PPARGC1A: variants seen among roughly 807,000 people sequenced by gnomAD.
PPARGC1A encodes peroxisome proliferator-activated receptor gamma coactivator 1-alpha.
A neutral mutation model predicts 88.7 loss-of-function variants in PPARGC1A; 25 were observed. The ratio of observed to expected loss-of-function variants is 0.28; its 90% CI spans 0.21 to 0.39. PPARGC1A has a LOEUF of 0.39. Among genes scored for constraint, PPARGC1A ranks in the 10% least tolerant of loss-of-function variants. The pLI is 1.00. For missense variants in PPARGC1A, 880 were observed against 968.7 expected (o/e 0.91, Z 1.22); for synonymous variants, 363 against 355.6 (o/e 1.02, Z -0.24).
chr4:24,277,492 GA>G, the PPARGC1A span, among the ~76,000 whole-genome samples: 1 of 148,180 alleles, frequency 6.7e-6, no homozygotes, highest in African/African-American at 2.5e-5. Flanking sequence ...TGGGAACTAT[GA>G]AGCCTGTCTC....
the PPARGC1A span, among the ~76,000 whole-genome samples, chr4:24,425,538 C>T: frequency 6.6e-6 from 1 of 152,008 alleles, no homozygotes; most frequent in Non-Finnish European, 1.5e-5. Context: ...ATAAAATTTC[C>T]CATTAAAAAT....
chr4:24,067,459 A>C, the PPARGC1A span, among the ~76,000 whole-genome samples: 1 of 152,210 alleles, frequency 6.6e-6, no homozygotes, highest in African/African-American at 2.4e-5. Flanking sequence ...AGCCATCAGC[A>C]TTAATAGCAA....
At chr4:23,877,309 G>A (rs1382520657) in intron 2 of PPARGC1A, among the ~76,000 whole-genome samples, 1 of 137,804 alleles carries the variant, frequency 7.3e-6, no homozygotes, top group Non-Finnish European at 1.5e-5. Context: ...GAGGTCAGGA[G>A]ATTGAGACCA....
chr4:24,056,988 G>C, the PPARGC1A span, among the ~76,000 whole-genome samples: 1 of 152,138 alleles, frequency 6.6e-6, no homozygotes, highest in Non-Finnish European at 1.5e-5. Flanking sequence ...GTCTTAAAAA[G>C]AGATATCTTT....
At chr4:24,469,124 C>T in the PPARGC1A span, among the ~76,000 whole-genome samples, 1 of 152,180 alleles carries the variant, frequency 6.6e-6, no homozygotes, top group Non-Finnish European at 1.5e-5. Flanking sequence ...ATTTTGGCAG[C>T]AATCAGGGTA....
the PPARGC1A span, among the ~76,000 whole-genome samples, chr4:24,145,132 T>C: frequency 6.6e-6 from 1 of 151,774 alleles, no homozygotes; most frequent in Non-Finnish European, 1.5e-5. Context: ...TGCATATATA[T>C]GCATGCCAGG....
chr4:24,131,847 C>T, the PPARGC1A span, among the ~76,000 whole-genome samples: 6 of 152,236 alleles, frequency 3.9e-5, no homozygotes, highest in South Asian at 8.3e-4. Flanking sequence ...TCCAAACATA[C>T]CTCTCATGAC....
chr4:24,185,816 T>C, the PPARGC1A span, among the ~76,000 whole-genome samples: 2 of 106,814 alleles, frequency 1.9e-5, no homozygotes, highest in African/African-American at 7.5e-5. Flanking sequence ...GTCCCCAGAG[T>C]GTGATATTCC....
chr4:23,976,584 C>A, the PPARGC1A span, among the ~76,000 whole-genome samples: 1 of 152,168 alleles, frequency 6.6e-6, no homozygotes, highest in African/African-American at 2.4e-5. Context: ...CCTAATGTGA[C>A]TATATCTGGA....
At chr4:24,042,029 A>G in the PPARGC1A span, among the ~76,000 whole-genome samples, 4 of 152,152 alleles carry the variant, frequency 2.6e-5, no homozygotes, top group Non-Finnish European at 5.9e-5. Flanking sequence ...TATTTATCAC[A>G]TATACACTCA....
the PPARGC1A span, among the ~76,000 whole-genome samples, chr4:24,211,315 G>A: frequency 1.2e-4 from 18 of 152,206 alleles, no homozygotes; most frequent in East Asian, 3.9e-4. Context: ...CTCGTTTTCC[G>A]ATCTCAATTT....
the PPARGC1A span, among the ~76,000 whole-genome samples, chr4:24,061,906 A>C: frequency 5.7e-4 from 87 of 152,290 alleles, 2 homozygotes; most frequent in East Asian, 0.013. Context: ...GGAGGGCCAC[A>C]ATCTCGATTG....
chr4:23,912,376 G>A, the PPARGC1A span, among the ~76,000 whole-genome samples: 1 of 152,000 alleles, frequency 6.6e-6, no homozygotes, highest in African/African-American at 2.4e-5. Context: ...TATATCTTAG[G>A]GTCTTATGAT....
At chr4:23,922,661 C>G in the PPARGC1A span, among the ~76,000 whole-genome samples, 20 of 152,170 alleles carry the variant, frequency 1.3e-4, no homozygotes, top group African/African-American at 4.6e-4. Flanking sequence ...GTTTGGTTTA[C>G]TCCTGACAGA....
At chr4:24,172,821 A>G in the PPARGC1A span, among the ~76,000 whole-genome samples, 1 of 152,136 alleles carries the variant, frequency 6.6e-6, no homozygotes, top group African/African-American at 2.4e-5. Flanking sequence ...AATCCTGAAT[A>G]CACCGCCGTG....
the PPARGC1A span, among the ~76,000 whole-genome samples, chr4:23,915,555 T>C: frequency 6.6e-6 from 1 of 152,254 alleles, no homozygotes; most frequent in Non-Finnish European, 1.5e-5. Context: ...ATATTTTCCA[T>C]CTATTCTGCT....
the PPARGC1A span, among the ~76,000 whole-genome samples, chr4:24,163,786 T>C: frequency 2.0e-5 from 3 of 152,142 alleles, no homozygotes; most frequent in Non-Finnish European, 4.4e-5. Flanking sequence ...AGAAACAAAA[T>C]TGAATTTGAG....
chr4:24,096,480 T>A, the PPARGC1A span, among the ~76,000 whole-genome samples: 1 of 152,292 alleles, frequency 6.6e-6, no homozygotes, highest in South Asian at 2.1e-4. Context: ...GTCAACACCA[T>A]CCACTTTGTA....
At chr4:23,917,934 G>A in the PPARGC1A span, among the ~76,000 whole-genome samples, 1 of 152,188 alleles carries the variant, frequency 6.6e-6, no homozygotes, top group African/African-American at 2.4e-5. Flanking sequence ...TAGAGCAAAT[G>A]TGCATGGCAG....
Sources: allele counts gnomAD v4.1 joint callset (sites outside exome capture counted in the v4.1 genomes callset), GRCh38; gene constraint gnomAD v4.1.1; transcripts MANE v1.5; gene names NCBI Gene and HGNC (gene_info 2026-07-23, HGNC 2026-07-21).